FAM168A: variants seen among roughly 807,000 people sequenced by gnomAD.
FAM168A encodes family with sequence similarity 168 member A.
Under a neutral mutation model 28.5 loss-of-function variants are expected in FAM168A, and 3 were observed. That is an observed-to-expected ratio of 0.11 (90% CI 0.05 to 0.27). The LOEUF (loss-of-function observed/expected upper bound fraction) is 0.27, where lower values mean the gene tolerates loss of function less well. Among genes scored for constraint, FAM168A ranks in the 10% least tolerant of loss-of-function variants. The probability of loss-of-function intolerance (pLI) is 1.00; values close to 1 mark genes in which losing one functional copy is unlikely to be tolerated. For synonymous variants in FAM168A, 122 were observed against 124.2 expected (o/e 0.98, Z 0.12); for missense variants, 222 against 311.5 (o/e 0.71, Z 2.16).
rs1449753667 is a variant in FAM168A at position 73,406,348 on chromosome 11, T to C, written c.*415A>G. The C allele has an allele frequency of 6.6e-6, 1 of 152,126 alleles. No individual in the cohort carries two copies. Among genetic ancestry groups the C allele is most frequent in the Non-Finnish European group, 1.5e-5 (1 of 68,036 alleles). The allele number at this position is 152,126 out of a possible 1,614,324, so 9.4% of individuals were successfully genotyped here. A position where few individuals can be genotyped will look rare whatever the true frequency, so the allele number is the denominator to read the frequency against. ...ATGTAGCCTGCTCAACAGCTCTGAGTTCCTACCCTGGACCACATCTGTTTA... is the reference window on the plus strand; with the variant it reads ...ATGTAGCCTGCTCAACAGCTCTGAGCTCCTACCCTGGACCACATCTGTTTA... On this transcript the variant is annotated 3_prime_UTR_variant, in exon 8 of 8. Coordinates refer to ENST00000356467, the MANE Select transcript of FAM168A (RefSeq NM_015159.3).
chr11:73,492,714 T>C (rs1854777129), intron 1 of FAM168A, among the ~76,000 whole-genome samples: 1 of 152,132 alleles, frequency 6.6e-6, no homozygotes, highest in Non-Finnish European at 1.5e-5. Context: ...CACTTAGAGG[T>C]GGCACAGATG....
At chr11:73,447,011 G>A (rs540804800) in intron 2 of FAM168A, among the ~76,000 whole-genome samples, 2 of 152,242 alleles carry the variant, frequency 1.3e-5, no homozygotes, top group Admixed American at 6.5e-5. Context: ...CTCTTGCCAC[G>A]CCGGGTCTGG....
At chr11:73,429,120 G>A (rs1330930967) in intron 3 of FAM168A, among the ~76,000 whole-genome samples, 3 of 152,096 alleles carry the variant, frequency 2.0e-5, no homozygotes, top group Non-Finnish European at 4.4e-5. Context: ...CTAAGGTTGC[G>A]AATCTAGGAA....
rs528849319 is a variant in FAM168A at position 73,465,033 on chromosome 11, A to C, written c.70+3372T>G. On this transcript the variant is annotated intron_variant, in intron 2 of 7. Transcript: ENST00000356467. ...TATACTCATTGCTATGCATTACAAC[A>C]ACCATTAATTGAGTGTCCACTATGA... Among the ~76,000 whole-genome samples the C allele has an allele frequency of 4.6e-5, 7 of 151,966 alleles. No homozygotes were observed. The South Asian group carries it at 1.0e-3, about 23-fold the overall frequency.
intron 1 of FAM168A, among the ~76,000 whole-genome samples, chr11:73,491,384 C>T (rs2134608585): frequency 1.3e-5 from 2 of 152,352 alleles, no homozygotes; most frequent in African/African-American, 4.8e-5. Context: ...AGGCATAATT[C>T]TTCTCTCTGG....
intron 1 of FAM168A, among the ~76,000 whole-genome samples, chr11:73,521,536 G>A (rs1943377224): frequency 6.6e-6 from 1 of 152,158 alleles, no homozygotes; most frequent in Non-Finnish European, 1.5e-5. Context: ...TTTTGCTCTG[G>A]TGGAGATGGA....
chr11:73,515,207 G>C (rs1310571300), intron 1 of FAM168A, among the ~76,000 whole-genome samples: 1 of 152,056 alleles, frequency 6.6e-6, no homozygotes, highest in East Asian at 1.9e-4. Context: ...TAACACATAA[G>C]TTCTTATAAA....
At chr11:73,479,197 A>C (rs1867933093) in intron 1 of FAM168A, among the ~76,000 whole-genome samples, 1 of 152,190 alleles carries the variant, frequency 6.6e-6, no homozygotes, top group African/African-American at 2.4e-5. Context: ...TGGAGGTCTT[A>C]AACTGAGAAA....
intron 1 of FAM168A, among the ~76,000 whole-genome samples, chr11:73,505,130 A>C (rs1855082396): frequency 6.6e-6 from 1 of 152,078 alleles, no homozygotes; most frequent in Non-Finnish European, 1.5e-5. Context: ...TTTTTTTAGA[A>C]GAAATCTTTT....
intron 1 of FAM168A, among the ~76,000 whole-genome samples, chr11:73,569,910 GA>G (rs11351967): frequency 0.2 from 30,011 of 151,786 alleles, 4,747 homozygotes; most frequent in African/African-American, 0.44. Flanking sequence ...TACAGCAGGG[GA>G]AAAAAATATG....
intron 5 of FAM168A, among the ~76,000 whole-genome samples, chr11:73,411,161 C>G (rs1000719195): frequency 6.6e-6 from 1 of 152,228 alleles, no homozygotes; most frequent in Non-Finnish European, 1.5e-5. Flanking sequence ...TGTCCTCTGA[C>G]ATTCTGGGCT....
intron 1 of FAM168A, among the ~76,000 whole-genome samples, chr11:73,556,962 G>A (rs1273364304): frequency 6.6e-6 from 1 of 151,868 alleles, no homozygotes; most frequent in Non-Finnish European, 1.5e-5. Context: ...CCAGGAGGCA[G>A]AGGTTGCAGT....
At chr11:73,465,234 T>C (rs961970274) in intron 2 of FAM168A, among the ~76,000 whole-genome samples, 3 of 148,364 alleles carry the variant, frequency 2.0e-5, no homozygotes, top group African/African-American at 7.5e-5. Context: ...TCTGACACAC[T>C]CCAGAACACA....
At chr11:73,539,092 T>G (rs890498774) in intron 1 of FAM168A, among the ~76,000 whole-genome samples, 4 of 152,218 alleles carry the variant, frequency 2.6e-5, no homozygotes, top group African/African-American at 9.6e-5. Flanking sequence ...TTAATTTGGC[T>G]GCGCATTTCA....
chr11:73,527,804 T>G (rs1012490741), intron 1 of FAM168A, among the ~76,000 whole-genome samples: 3 of 151,948 alleles, frequency 2.0e-5, no homozygotes, highest in African/African-American at 7.3e-5. Context: ...TCAACTTATA[T>G]AGAGTATGCA....
intron 1 of FAM168A, among the ~76,000 whole-genome samples, chr11:73,497,689 G>A (rs1854921199): frequency 6.6e-6 from 1 of 152,072 alleles, no homozygotes; most frequent in Admixed American, 6.6e-5. Context: ...ACTCATAGGT[G>A]GGAACTGAAC....
intron 1 of FAM168A, among the ~76,000 whole-genome samples, chr11:73,581,526 G>T (rs1369915653): frequency 1.3e-5 from 2 of 152,176 alleles, no homozygotes; most frequent in African/African-American, 4.8e-5. Flanking sequence ...CAGACAGCTA[G>T]TAAGTGGCTA....
chr11:73,553,215 C>T (rs973421987), intron 1 of FAM168A, among the ~76,000 whole-genome samples: 4 of 152,010 alleles, frequency 2.6e-5, no homozygotes, highest in African/African-American at 9.7e-5. Context: ...GAAACTAATT[C>T]TAGATTTTTT....
intron 1 of FAM168A, among the ~76,000 whole-genome samples, chr11:73,571,456 C>T (rs1285550943): frequency 6.6e-6 from 1 of 151,834 alleles, no homozygotes; most frequent in Middle Eastern, 3.2e-3. Context: ...CTGTGTTGGC[C>T]GGGCTGGTCT....
Sources: gnomAD v4.1 joint callset for allele counts (sites outside exome capture counted in the v4.1 genomes callset) on GRCh38, gnomAD v4.1.1 for gene constraint, MANE v1.5 for transcripts, NCBI Gene and HGNC (gene_info 2026-07-23, HGNC 2026-07-21) for gene names.